The following ADARB1 variants were observed in gnomAD, a reference collection of about 807,000 sequenced individuals.
ADARB1 encodes adenosine deaminase RNA specific B1.
A neutral mutation model predicts 52.4 loss-of-function variants in ADARB1; 10 were observed. That is an observed-to-expected ratio of 0.19 (90% CI 0.12 to 0.32). The LOEUF is 0.32. ADARB1 is among the 10% of genes least tolerant of loss of function. The pLI, the probability that ADARB1 is intolerant of heterozygous loss-of-function variation, is 1.00. For missense variants in ADARB1, 643 were observed against 922.3 expected, an observed-to-expected ratio of 0.70 and a Z score of 3.92; for synonymous variants, 349 against 371.1, an observed-to-expected ratio of 0.94 and a Z score of 0.68.
intron 3 of ADARB1, among the ~76,000 whole-genome samples, chr21:45,174,662 C>T (rs2091618236): frequency 6.6e-6 from 1 of 151,810 alleles, no homozygotes; most frequent in Non-Finnish European, 1.5e-5. Context: ...GAGATCGCGC[C>T]ACTGCACCCC....
intron 3 of ADARB1, among the ~76,000 whole-genome samples, chr21:45,173,313 T>C (rs2091563911): frequency 6.6e-6 from 1 of 152,188 alleles, no homozygotes; most frequent in African/African-American, 2.4e-5. Context: ...TGTAGTAGCA[T>C]GATACAGAAA....
intron 1 of ADARB1, among the ~76,000 whole-genome samples, chr21:45,082,254 C>T (rs12482954): frequency 0.085 from 12,946 of 152,184 alleles, 645 homozygotes; most frequent in East Asian, 0.16. Flanking sequence ...TGTATAGATA[C>T]CTCTCAACTT....
intron 1 of ADARB1, among the ~76,000 whole-genome samples, chr21:45,084,542 T>C (rs1036030185): frequency 6.6e-6 from 1 of 152,214 alleles, no homozygotes; most frequent in African/African-American, 2.4e-5. Context: ...GTTTCCTCAG[T>C]CTTAGGGGGA....
At chr21:45,201,413 C>G (rs980630200) in intron 8 of ADARB1, among the ~76,000 whole-genome samples, 3 of 152,186 alleles carry the variant, frequency 2.0e-5, no homozygotes, top group Non-Finnish European at 4.4e-5. Flanking sequence ...TCTGCAGGAT[C>G]ACTGCTTTAA....
intron 8 of ADARB1, among the ~76,000 whole-genome samples, chr21:45,201,675 G>A (rs1243971767): frequency 6.6e-6 from 1 of 152,174 alleles, no homozygotes; most frequent in Non-Finnish European, 1.5e-5. Context: ...GTAAGTGCTG[G>A]GATAGGTCAG....
chr21:45,104,533 C>T (rs548947811), intron 1 of ADARB1, among the ~76,000 whole-genome samples: 1 of 152,296 alleles, frequency 6.6e-6, no homozygotes, highest in African/African-American at 2.4e-5. Context: ...GAACCCAGAA[C>T]TGGAGGTGTT....
At chr21:45,089,553 C>G (rs140813332) in intron 1 of ADARB1, among the ~76,000 whole-genome samples, 1 of 151,978 alleles carries the variant, frequency 6.6e-6, no homozygotes, top group South Asian at 2.1e-4. Flanking sequence ...TTCCCTACTA[C>G]AATACTCATA....
intron 1 of ADARB1, among the ~76,000 whole-genome samples, chr21:45,076,221 T>A (rs1376484097): frequency 6.6e-6 from 1 of 152,254 alleles, no homozygotes; most frequent in Non-Finnish European, 1.5e-5. Flanking sequence ...GCTTGGCTGA[T>A]ACAGTTCCTT....
chr21:45,103,675 A>G (rs539567250), intron 1 of ADARB1, among the ~76,000 whole-genome samples: 24 of 152,074 alleles, frequency 1.6e-4, no homozygotes, highest in Middle Eastern at 3.2e-3. Context: ...TTACTTGTCC[A>G]TGGCCCAGGG....
chr21:45,175,918 A>G lies in ADARB1; in HGVS notation c.217A>G (p.Thr73Ala). Reference protein sequence around the residue: ...SKYRLKKRRKTPGPVLPKNAL... With the variant: ...SKYRLKKRRKAPGPVLPKNAL... ...GTACCGCCTGAAGAAAAGGAGGAAA[A>G]CACCAGGGCCCGTCCTCCCCAAGAA... Residue 73 changes from threonine (T) to alanine (A), a missense_variant, in exon 4 of 11, where the codon ACA (threonine) becomes GCA (alanine). Coordinates refer to ENST00000348831, the MANE Select transcript of ADARB1 (RefSeq NM_001112.4). The G allele has an allele frequency of 2.5e-6, 4 of 1,609,622 alleles. No individual in the cohort carries two copies. Among genetic ancestry groups the G allele is most frequent in the Non-Finnish European group, 3.4e-6 (4 of 1,177,918 alleles).
chr21:45,112,786 C>T (rs1259853531), intron 1 of ADARB1, among the ~76,000 whole-genome samples: 1 of 152,118 alleles, frequency 6.6e-6, no homozygotes, highest in African/African-American at 2.4e-5. Flanking sequence ...TTATTAATGA[C>T]CCCAAGATGA....
At chr21:45,134,408 CAGT>C (rs1487387692) in intron 2 of ADARB1, among the ~76,000 whole-genome samples, 1 of 150,734 alleles carries the variant, frequency 6.6e-6, no homozygotes, top group Non-Finnish European at 1.5e-5. Context: ...GTGTGCCCGA[CAGT>C]GGTGTGTGCG....
intron 2 of ADARB1, among the ~76,000 whole-genome samples, chr21:45,165,132 CTG>C (rs1174992976): frequency 6.6e-6 from 1 of 152,152 alleles, no homozygotes; most frequent in Non-Finnish European, 1.5e-5. Flanking sequence ...CTACTACTGT[CTG>C]TGCGACTGGC....
chr21:45,196,363 A>G (rs1321788091), intron 8 of ADARB1, among the ~76,000 whole-genome samples: 2 of 152,164 alleles, frequency 1.3e-5, no homozygotes, highest in African/African-American at 4.8e-5. Flanking sequence ...TGCACCTTAT[A>G]CAAAATGAAT....
At chr21:45,207,605 C>G (rs1233132621) in intron 9 of ADARB1, among the ~76,000 whole-genome samples, 4 of 152,212 alleles carry the variant, frequency 2.6e-5, no homozygotes, top group African/African-American at 9.6e-5. Flanking sequence ...AAAGAAAAGT[C>G]TTACATTTGA....
At chr21:45,085,477 A>G (rs2086304259) in intron 1 of ADARB1, among the ~76,000 whole-genome samples, 1 of 152,234 alleles carries the variant, frequency 6.6e-6, no homozygotes, top group African/African-American at 2.4e-5. Context: ...GGCTGCAGTT[A>G]AACAGCAATG....
At chr21:45,127,224 T>C (rs541231698) in intron 1 of ADARB1, among the ~76,000 whole-genome samples, 4 of 152,232 alleles carry the variant, frequency 2.6e-5, no homozygotes, top group African/African-American at 9.6e-5. Flanking sequence ...TTGCACTTCT[T>C]GACACTCTCC....
Position 45,175,881 on chromosome 21 carries a change from T to G in ADARB1, c.180T>G (p.Asn60Lys). ...GRKRPLEEGS[N>K]GHSKYRLKKR... ...AGCGGCCCCTGGAGGAGGGCAGCAATGGCCACTCCAAGTACCGCCTGAAGA... is the reference window on the plus strand; with the variant it reads ...AGCGGCCCCTGGAGGAGGGCAGCAAGGGCCACTCCAAGTACCGCCTGAAGA... The change falls in exon 4 of 11, where the codon AAT (asparagine) becomes AAG (lysine). Residue 60 changes from asparagine to lysine, a missense_variant. Asn to Lys is a moderately conservative substitution (Grantham distance 94, BLOSUM62 0). Transcript: ENST00000348831. 6.2e-7 allele frequency: 1 copy of G among 1,612,996 alleles called. No homozygotes were observed.
chr21:45,124,783 GTGTA>G (rs746486554), intron 1 of ADARB1, among the ~76,000 whole-genome samples: 4,796 of 110,568 alleles, frequency 0.043, 74 homozygotes, highest in African/African-American at 0.069. Flanking sequence ...GTGTGTGTGT[GTGTA>G]TGTGTGTGTG....
Sources: gnomAD v4.1 joint callset for allele counts (sites outside exome capture counted in the v4.1 genomes callset) on GRCh38, gnomAD v4.1.1 for gene constraint, MANE v1.5 for transcripts, NCBI Gene and HGNC (gene_info 2026-07-23, HGNC 2026-07-21) for gene names.